The following GRM7 variants were observed in gnomAD, a reference collection of about 807,000 sequenced individuals.
GRM7 encodes the protein metabotropic glutamate receptor 7.
GRM7 carries 35 observed loss-of-function variants against 84.5 expected under a neutral mutation model. That is an observed-to-expected ratio of 0.41 (90% CI 0.32 to 0.55). GRM7 has a LOEUF of 0.55. Ranked by LOEUF, GRM7 falls within the 20% of genes least tolerant of loss-of-function variation. The probability of loss-of-function intolerance (pLI) is 0.19; values close to 1 mark genes in which losing one functional copy is unlikely to be tolerated. For missense variants in GRM7, 1,003 were observed against 1,194.6 expected, an observed-to-expected ratio of 0.84 and a Z score of 2.36; for synonymous variants, 487 against 455.1, an observed-to-expected ratio of 1.07 and a Z score of -0.89.
chr3:7,321,650 A>T (rs976895073), intron 4 of GRM7, among the ~76,000 whole-genome samples: 15 of 151,878 alleles, frequency 9.9e-5, no homozygotes, highest in Non-Finnish European at 1.9e-4. Flanking sequence ...GTTTTCCTAA[A>T]GTCAATCACT....
intron 1 of GRM7, among the ~76,000 whole-genome samples, chr3:6,976,138 C>G (rs1296883081): frequency 6.6e-6 from 1 of 152,108 alleles, no homozygotes; most frequent in Admixed American, 6.6e-5. Context: ...TTTTGGTCAC[C>G]AGCTCTGCCC....
chr3:7,411,863 A>C lies in GRM7; in HGVS notation c.1034-3160A>C, dbSNP rs193181963. On this transcript the variant is annotated intron_variant, in intron 4 of 9. Transcript: ENST00000357716. ...AAGAATGCATATTAGCAATGTTAGT[A>C]GATAATGCTGGCCTATTTTTTAAAA... is the stretch of plus-strand genomic sequence containing the variant. Among the ~76,000 whole-genome samples, 5 of 152,272 alleles carry C rather than the reference A, an allele frequency of 3.3e-5. No individual in the cohort carries two copies. In the East Asian group the frequency reaches 9.7e-4, roughly 29 times the overall value.
At chr3:7,130,742 T>A (rs1693568620) in intron 1 of GRM7, among the ~76,000 whole-genome samples, 1 of 151,996 alleles carries the variant, frequency 6.6e-6, no homozygotes, top group South Asian at 2.1e-4. Context: ...AAAGTTTCAG[T>A]CATGGTAATT....
intron 4 of GRM7, among the ~76,000 whole-genome samples, chr3:7,338,601 T>C (rs17047149): frequency 0.039 from 5,948 of 152,206 alleles, 248 homozygotes; most frequent in African/African-American, 0.11. Flanking sequence ...CTCTGGAAGT[T>C]CAAACAGCAT....
intron 9 of GRM7, among the ~76,000 whole-genome samples, chr3:7,695,505 C>CCAAT (rs1700985031): frequency 6.6e-6 from 1 of 152,116 alleles, no homozygotes; most frequent in African/African-American, 2.4e-5. Flanking sequence ...GCGTTTCTGC[C>CCAAT]CAATCAAGTA....
intron 1 of GRM7, among the ~76,000 whole-genome samples, chr3:6,994,872 T>C (rs1195894287): frequency 2.0e-5 from 3 of 152,228 alleles, no homozygotes; most frequent in East Asian, 3.8e-4. Flanking sequence ...GTTTTGTATT[T>C]CTATGCGGAA....
At position 7,229,722 on chromosome 3, in the gene GRM7, C is replaced by CAT. The variant is rs772166647; in HGVS notation, c.737-68961_737-68960insTA. Among the ~76,000 whole-genome samples, 64 of 25,744 alleles carry CAT rather than the reference C, an allele frequency of 2.5e-3. 1 individual carries two copies. The highest frequency in any genetic ancestry group is 3.7e-3 in the Non-Finnish European group (51 of 13,754). The allele number at this position is 25,744 out of a possible 152,430, so 16.9% of individuals were successfully genotyped here. On this transcript the variant is annotated intron_variant, in intron 2 of 9. Coordinates refer to ENST00000357716, the MANE Select transcript of GRM7 (RefSeq NM_000844.4). ...TCCCCAACCCCGCTCTCCATAGACA[C>CAT]ACACATATATATATATATATATATA...
At chr3:7,192,908 C>G (rs1403032251) in intron 2 of GRM7, among the ~76,000 whole-genome samples, 12 of 152,102 alleles carry the variant, frequency 7.9e-5, no homozygotes, top group Admixed American at 7.9e-4. Flanking sequence ...CTCTTGGGTA[C>G]TAATCCCCTG....
intron 1 of GRM7, among the ~76,000 whole-genome samples, chr3:6,865,309 G>A (rs1694902760): frequency 6.6e-6 from 1 of 152,156 alleles, no homozygotes; most frequent in Non-Finnish European, 1.5e-5. Flanking sequence ...ATATAATACG[G>A]TGACCAATGG....
chr3:6,862,231 G>A lies in GRM7; in HGVS notation c.519+324G>A. Among the ~76,000 whole-genome samples, 1 of 152,074 alleles carries A rather than the reference G, an allele frequency of 6.6e-6. No individual in the cohort carries two copies. Among genetic ancestry groups the A allele is most frequent in the East Asian group, 1.9e-4 (1 of 5,176 alleles). ...AGGGTGAAATATGGTCCGAAAACAG[G>A]CTCGTAAAAGTGCCAGGCTCCTAGG... On this transcript the variant is annotated intron_variant, in intron 1 of 9. Transcript: ENST00000357716. The surrounding 1 kb of genome is among the most constrained non-coding windows in gnomAD (Gnocchi z 5.2).
chr3:6,871,447 G>T (rs1372806056), intron 1 of GRM7, among the ~76,000 whole-genome samples: 1 of 151,784 alleles, frequency 6.6e-6, no homozygotes, highest in African/African-American at 2.4e-5. Context: ...AAAATAAGGG[G>T]CTTATCTTAA....
In GRM7 at chr3:7,348,069, G is replaced by T. The variant is rs9809172; in HGVS notation, c.1033+41417G>T. 6.6e-3 allele frequency among the ~76,000 whole-genome samples: 1,012 copies of T among 152,242 alleles called. 10 individuals are homozygous for T. Among genetic ancestry groups the T allele is most frequent in the African/African-American group, 0.021 (880 of 41,572 alleles). Reference sequence around the variant, plus strand: ...CAAGGTCAGCCTAGTGGTAAAATCTGTGTGCTTCTGAGTTATGGTAATGGA... The same window carrying T: ...CAAGGTCAGCCTAGTGGTAAAATCTTTGTGCTTCTGAGTTATGGTAATGGA... On this transcript the variant is annotated intron_variant, in intron 4 of 9. Coordinates refer to ENST00000357716, the MANE Select transcript of GRM7 (RefSeq NM_000844.4).
intron 8 of GRM7, among the ~76,000 whole-genome samples, chr3:7,586,683 C>A (rs919341311): frequency 6.6e-6 from 1 of 152,100 alleles, no homozygotes; most frequent in African/African-American, 2.4e-5. Context: ...TGGTGTGCAT[C>A]TGTAAACCCA....
chr3:7,461,512 C>T, intron 6 of GRM7, 71 bp from the exon 7 acceptor site: 1 of 1,271,590 alleles, frequency 7.9e-7, no homozygotes, highest in African/African-American at 1.5e-5. Context: ...TCTAGCCTGT[C>T]ACCCATAGTA....
chr3:7,296,286 G>T (rs1196324221), intron 2 of GRM7, among the ~76,000 whole-genome samples: 1 of 151,984 alleles, frequency 6.6e-6, no homozygotes, highest in East Asian at 1.9e-4. Flanking sequence ...TGCTGGATTT[G>T]TTTTGTTAAC....
Position 6,958,965 on chromosome 3 carries a change from A to G in GRM7, c.519+97058A>G, listed in dbSNP as rs1693183503. ...AACATAAAATTATAACTCAAAACCC[A>G]TAATCAAAATGGTACTTTAAGGCCA... On this transcript the variant is annotated intron_variant, in intron 1 of 9. Transcript: ENST00000357716. Among the ~76,000 whole-genome samples the G allele has an allele frequency of 4.6e-5, 7 of 152,222 alleles. No homozygotes were observed. The South Asian group carries it at 1.4e-3, about 32-fold the overall frequency.
chr3:7,329,764 A>G (rs1701126787), intron 4 of GRM7, among the ~76,000 whole-genome samples: 1 of 152,026 alleles, frequency 6.6e-6, no homozygotes, highest in African/African-American at 2.4e-5. Flanking sequence ...CTTTAAACTT[A>G]TGTTCATATA....
chr3:7,083,780 T>C (rs576363712), intron 1 of GRM7, among the ~76,000 whole-genome samples: 1 of 152,242 alleles, frequency 6.6e-6, no homozygotes, highest in African/African-American at 2.4e-5. Flanking sequence ...TTTAGACGTA[T>C]TCTCTGTGAG....
chr3:6,877,637 C>T (rs779752842), intron 1 of GRM7, among the ~76,000 whole-genome samples: 9 of 151,962 alleles, frequency 5.9e-5, no homozygotes, highest in Non-Finnish European at 1.0e-4. Context: ...TTGATAGGCC[C>T]ATGAGGTAGA....
Sources: allele counts gnomAD v4.1 joint callset (sites outside exome capture counted in the v4.1 genomes callset), GRCh38; gene constraint gnomAD v4.1.1; non-coding constraint Gnocchi (gnomAD v3.1); transcripts MANE v1.5; gene names NCBI Gene and HGNC (gene_info 2026-07-23, HGNC 2026-07-21).